Variants in KCTD20 observed in about 807,000 individuals in gnomAD.
KCTD20 encodes BTB/POZ domain-containing protein KCTD20.
KCTD20 carries 30 observed loss-of-function variants against 39.6 expected under a neutral mutation model. The observed-to-expected ratio is 0.76, with a 90% CI of 0.57 to 1.03. The LOEUF is 1.03. KCTD20 is among the 50% of genes least tolerant of loss of function. KCTD20 has a pLI of 0.00. For missense variants in KCTD20, 422 were observed against 522.0 expected, an observed-to-expected ratio of 0.81 and a Z score of 1.87; for synonymous variants, 162 against 180.6, an observed-to-expected ratio of 0.90 and a Z score of 0.83.
At chr6:36,457,369 A>G (rs779859307) in intron 1 of KCTD20, among the ~76,000 whole-genome samples, 8 of 152,212 alleles carry the variant, frequency 5.3e-5, no homozygotes, top group Non-Finnish European at 7.3e-5. Context: ...TTTTACCAAT[A>G]CTGAGCATTA....
chr6:36,474,664 TG>T (rs1427984958), intron 2 of KCTD20, 124 bp from the exon 3 acceptor site: 9 of 806,908 alleles, frequency 1.1e-5, no homozygotes, highest in Non-Finnish European at 3.7e-6. Flanking sequence ...GGTTTTTTTT[TG>T]CCTGTGAACA....
intron 1 of KCTD20, among the ~76,000 whole-genome samples, chr6:36,450,621 C>T (rs757869429): frequency 6.6e-6 from 1 of 152,126 alleles, no homozygotes; most frequent in Non-Finnish European, 1.5e-5. Context: ...CAGAACCATG[C>T]TTACTTTTGT....
intron 1 of KCTD20, chr6:36,451,716 C>CTGGGCTCAAGCGATCCTCCTGCCT: frequency 6.6e-6 from 1 of 152,348 alleles, no homozygotes. Flanking sequence ...TCTTGAACTC[C>CTGGGCTCAAGCGATCCTCCTGCCT]TGGGCTCAAG....
intron 3 of KCTD20, among the ~76,000 whole-genome samples, chr6:36,477,451 G>A (rs1776095365): frequency 6.6e-6 from 1 of 151,674 alleles, no homozygotes; most frequent in South Asian, 2.1e-4. Flanking sequence ...AGTTATTTGG[G>A]AAGCATGTGA....
chr6:36,446,777 A>AG (rs1341201270), intron 1 of KCTD20, among the ~76,000 whole-genome samples: 1 of 152,220 alleles, frequency 6.6e-6, no homozygotes, highest in Non-Finnish European at 1.5e-5. Flanking sequence ...ATGAAGAAAG[A>AG]GGGCCTTTTG....
chr6:36,463,223 T>A (rs1361877395), intron 1 of KCTD20, among the ~76,000 whole-genome samples: 2 of 152,206 alleles, frequency 1.3e-5, no homozygotes, highest in African/African-American at 4.8e-5. Flanking sequence ...TTGCCTGGAA[T>A]GCCCTTTTTC....
In KCTD20 at chr6:36,474,975, C is replaced by T; in HGVS notation, c.347C>T (p.Pro116Leu). The T allele has an allele frequency of 6.2e-7, 1 of 1,614,106 alleles. No homozygotes were observed. Among genetic ancestry groups the T allele is most frequent in the East Asian group, 2.2e-5 (1 of 44,874 alleles). Residue 116 changes from proline to leucine, a missense_variant, in exon 3 of 8, where the codon CCA becomes CTA. Coordinates refer to ENST00000373731, the MANE Select transcript of KCTD20 (RefSeq NM_173562.5). The part of the protein sequence containing the change: ...GFGSNSHSQA[P>L]EKVTLLVDGT... ...GGCAGTAATTCCCATTCCCAAGCACCAGAGAAAGTGACGCTTCTTGTAGAT... is the reference window on the plus strand; with the variant it reads ...GGCAGTAATTCCCATTCCCAAGCACTAGAGAAAGTGACGCTTCTTGTAGAT...
At chr6:36,447,185 G>A (rs1775073954) in intron 1 of KCTD20, among the ~76,000 whole-genome samples, 1 of 152,146 alleles carries the variant, frequency 6.6e-6, no homozygotes, top group Non-Finnish European at 1.5e-5. Context: ...GTTGGATAAA[G>A]TACTTTATCA....
intron 1 of KCTD20, chr6:36,451,765 C>T (rs544832003): frequency 6.6e-6 from 1 of 152,410 alleles, no homozygotes; most frequent in South Asian, 2.1e-4. Context: ...GTTAGGATTA[C>T]AGGCATAAAC....
Position 36,479,584 on chromosome 6 carries a change from T to C in KCTD20, c.538-7T>C, listed in dbSNP as rs755307526. The stretch of plus-strand genomic sequence containing the variant: ...GCCTACATTTTTTCTTCCTAATCTA[T>C]TTACAGGATTATTACAAAACCGGTA... On this transcript the variant is annotated splice_polypyrimidine_tract_variant and splice_region_variant and intron_variant, in intron 4 of 7. Coordinates refer to ENST00000373731, the MANE Select transcript of KCTD20 (RefSeq NM_173562.5). The C allele has an allele frequency of 1.2e-5, 19 of 1,602,622 alleles. No individual in the cohort carries two copies. Among genetic ancestry groups the C allele is most frequent in the Non-Finnish European group, 1.5e-5 (18 of 1,176,934 alleles).
intron 6 of KCTD20, 21 bp downstream of exon 6, chr6:36,481,780 G>A (rs781296657): frequency 5.0e-6 from 8 of 1,609,204 alleles, no homozygotes; most frequent in African/African-American, 2.7e-5. Context: ...CTGGCATGGC[G>A]TAGATGTTTT....
intron 1 of KCTD20, among the ~76,000 whole-genome samples, chr6:36,460,153 T>G (rs955897955): frequency 6.6e-6 from 1 of 152,208 alleles, no homozygotes; most frequent in Non-Finnish European, 1.5e-5. Flanking sequence ...TTCTTTGACC[T>G]ATTATGTGCC....
chr6:36,466,309 C>G (rs1371276108), intron 1 of KCTD20, among the ~76,000 whole-genome samples: 1 of 151,808 alleles, frequency 6.6e-6, no homozygotes, highest in Non-Finnish European at 1.5e-5. Flanking sequence ...GTGATCCGCC[C>G]ACCTCAGCCT....
chr6:36,470,360 A>G, intron 2 of KCTD20, 103 bp downstream of exon 2: 3 of 1,114,792 alleles, frequency 2.7e-6, no homozygotes, highest in Middle Eastern at 3.1e-4. Context: ...AAATTATCCA[A>G]TTAATTGCTT....
At position 36,486,938 on chromosome 6, in the gene KCTD20, C is replaced by A. The variant is rs1312439755; in HGVS notation, c.1023C>A (p.Val341=). The A allele has an allele frequency of 1.2e-5, 20 of 1,614,028 alleles. No individual in the cohort carries two copies. In the East Asian group the frequency reaches 4.2e-4, roughly 34 times the overall value. The change falls in exon 8 of 8, where the codon GTC becomes GTA. Residue 341 remains valine, a synonymous_variant. Coordinates refer to ENST00000373731, the MANE Select transcript of KCTD20 (RefSeq NM_173562.5). ...IKRRPGGRSE[V]IYNYVQRPFI... The stretch of plus-strand genomic sequence containing the variant: ...GAAGGCCTGGCGGCCGGTCTGAAGT[C>A]ATCTATAATTATGTACAACGCCCCT...
At chr6:36,448,015 G>GTGTATGTGTATATATA (rs559687288) in intron 1 of KCTD20, among the ~76,000 whole-genome samples, 12 of 128,954 alleles carry the variant, frequency 9.3e-5, no homozygotes, top group African/African-American at 3.8e-4. Flanking sequence ...ATGTGTGTGT[G>GTGTATGTGTATATATA]TATATATATA....
intron 7 of KCTD20, among the ~76,000 whole-genome samples, chr6:36,486,070 A>AT (rs569771462): frequency 8.6e-4 from 129 of 150,290 alleles, no homozygotes; most frequent in Middle Eastern, 6.9e-3. Context: ...ATGCTCCACT[A>AT]TTTTTTTTTA....
intron 6 of KCTD20, 101 bp downstream of exon 6, chr6:36,481,860 G>C (rs754076062): frequency 1.0e-6 from 1 of 975,532 alleles, no homozygotes; most frequent in Non-Finnish European, 1.6e-6. Flanking sequence ...TGTTGAGCCT[G>C]TGATGAGCAC....
At chr6:36,458,168 T>C (rs1775492710) in intron 1 of KCTD20, among the ~76,000 whole-genome samples, 1 of 152,184 alleles carries the variant, frequency 6.6e-6, no homozygotes. Flanking sequence ...TCCTCCCATC[T>C]CAGCCTCCTG....
Sources: gnomAD v4.1 joint callset for allele counts (sites outside exome capture counted in the v4.1 genomes callset) on GRCh38, gnomAD v4.1.1 for gene constraint, MANE v1.5 for transcripts, NCBI Gene and HGNC (gene_info 2026-07-23, HGNC 2026-07-21) for gene names.